Variants in RAD51B observed in about 807,000 individuals in gnomAD.
RAD51B encodes the protein RAD51 paralog B, also known as DNA repair protein RAD51 homolog 2.
Under a neutral mutation model 42.2 loss-of-function variants are expected in RAD51B, and 38 were observed. The ratio of observed to expected loss-of-function variants is 0.90; its 90% CI spans 0.70 to 1.18. The LOEUF is 1.18. Among genes scored for constraint, RAD51B ranks in the 50% most tolerant of loss-of-function variants. RAD51B has a pLI of 0.00. For synonymous variants in RAD51B, 154 were observed against 145.2 expected, an observed-to-expected ratio of 1.06 and a Z score of -0.43; for missense variants, 373 against 400.7, an observed-to-expected ratio of 0.93 and a Z score of 0.59.
chr14:68,555,054 G>A (rs1293170396), intron 10 of RAD51B, among the ~76,000 whole-genome samples: 1 of 152,004 alleles, frequency 6.6e-6, no homozygotes, highest in Non-Finnish European at 1.5e-5. Flanking sequence ...CACTATGTTG[G>A]CCAGGCTAGT....
intron 7 of RAD51B, among the ~76,000 whole-genome samples, chr14:68,005,745 T>G (rs1286371765): frequency 1.3e-5 from 2 of 152,198 alleles, no homozygotes; most frequent in Non-Finnish European, 2.9e-5. Flanking sequence ...AGTGATGTAT[T>G]GCTTCTCGAC....
intron 8 of RAD51B, chr14:68,338,994 C>A (rs2082516150): frequency 6.1e-6 from 4 of 657,580 alleles, no homozygotes; most frequent in Non-Finnish European, 1.1e-5. Context: ...GTAAGGGACC[C>A]CCTTTTTACA....
chr14:68,485,614 C>T (rs1400336902), intron 10 of RAD51B, among the ~76,000 whole-genome samples: 1 of 152,188 alleles, frequency 6.6e-6, no homozygotes, highest in Admixed American at 6.5e-5. Context: ...AAGATATTCT[C>T]TCTTCATTAA....
intron 7 of RAD51B, among the ~76,000 whole-genome samples, chr14:67,893,681 A>C (rs1401958188): frequency 6.6e-6 from 1 of 152,004 alleles, no homozygotes; most frequent in Non-Finnish European, 1.5e-5. Context: ...AAAATAAATA[A>C]ATAAATAGAA....
chr14:67,997,470 G>C (rs764633293), intron 7 of RAD51B, among the ~76,000 whole-genome samples: 1 of 152,250 alleles, frequency 6.6e-6, no homozygotes, highest in East Asian at 1.9e-4. Flanking sequence ...TCACAGTCAC[G>C]TCCTAAATTA....
At chr14:68,202,510 T>G (rs975292160) in intron 7 of RAD51B, among the ~76,000 whole-genome samples, 2 of 151,226 alleles carry the variant, frequency 1.3e-5, no homozygotes, top group African/African-American at 4.8e-5. Flanking sequence ...TCACAGCACC[T>G]TCACCAGGAG....
intron 7 of RAD51B, among the ~76,000 whole-genome samples, chr14:68,195,271 A>G (rs1334378201): frequency 6.6e-6 from 1 of 152,214 alleles, no homozygotes; most frequent in Non-Finnish European, 1.5e-5. Flanking sequence ...AACCTGAGTC[A>G]TCCTTGACAT....
chr14:68,121,877 A>G (rs919765226), intron 7 of RAD51B, among the ~76,000 whole-genome samples: 4 of 151,900 alleles, frequency 2.6e-5, no homozygotes, highest in African/African-American at 9.7e-5. Flanking sequence ...TGGTGCTGGT[A>G]TAGATAGTTA....
intron 7 of RAD51B, among the ~76,000 whole-genome samples, chr14:68,270,384 A>G (rs2081082368): frequency 1.3e-5 from 2 of 152,222 alleles, no homozygotes; most frequent in Admixed American, 1.3e-4. Flanking sequence ...GATCTTTCCT[A>G]ATAGAGGAGT....
chr14:68,300,488 G>A (rs1566793711), intron 8 of RAD51B, among the ~76,000 whole-genome samples: 1 of 152,140 alleles, frequency 6.6e-6, no homozygotes, highest in African/African-American at 2.4e-5. Flanking sequence ...GGGATTACAG[G>A]TGTAAGCCAC....
intron 7 of RAD51B, among the ~76,000 whole-genome samples, chr14:68,056,791 A>G (rs2076483175): frequency 6.6e-6 from 1 of 151,614 alleles, no homozygotes; most frequent in Non-Finnish European, 1.5e-5. Context: ...AATAAGAAAT[A>G]TTTACGGCCA....
At chr14:68,049,654 A>G (rs1230428841) in intron 7 of RAD51B, among the ~76,000 whole-genome samples, 1 of 152,160 alleles carries the variant, frequency 6.6e-6, no homozygotes, top group East Asian at 1.9e-4. Context: ...ATTTTGTTGT[A>G]AGAGTTTCCA....
chr14:67,930,413 C>T (rs894654155), intron 7 of RAD51B, among the ~76,000 whole-genome samples: 3 of 152,020 alleles, frequency 2.0e-5, no homozygotes, highest in Non-Finnish European at 2.9e-5. Context: ...TCTGCTTTTG[C>T]TTGCTTAGAA....
chr14:68,009,707 T>A (rs926493581), intron 7 of RAD51B, among the ~76,000 whole-genome samples: 1 of 151,948 alleles, frequency 6.6e-6, no homozygotes, highest in Non-Finnish European at 1.5e-5. Context: ...AGACGACCTC[T>A]TCTATAAAAT....
intron 7 of RAD51B, among the ~76,000 whole-genome samples, chr14:68,102,898 A>G (rs1049943350): frequency 6.6e-6 from 1 of 152,222 alleles, no homozygotes; most frequent in African/African-American, 2.4e-5. Flanking sequence ...ACAGTTCCAC[A>G]GGGCTGTGGA....
At chr14:68,174,322 G>T (rs552868481) in intron 7 of RAD51B, among the ~76,000 whole-genome samples, 94 of 151,082 alleles carry the variant, frequency 6.2e-4, no homozygotes, top group African/African-American at 2.2e-3. Flanking sequence ...GGGTGTAGTG[G>T]AGCTATGATT....
At chr14:68,428,198 C>T (rs2084900759) in intron 9 of RAD51B, among the ~76,000 whole-genome samples, 1 of 152,122 alleles carries the variant, frequency 6.6e-6, no homozygotes, top group Non-Finnish European at 1.5e-5. Flanking sequence ...TATAGCAGCA[C>T]AAAATGGACT....
chr14:68,600,002 C>T (rs568192584), downstream of RAD51B, among the ~76,000 whole-genome samples: 1 of 152,280 alleles, frequency 6.6e-6, no homozygotes, highest in South Asian at 2.1e-4. Flanking sequence ...TGACTTCTGA[C>T]CAAACCCCCA....
At chr14:68,486,935 A>G (rs1024059592) in intron 10 of RAD51B, among the ~76,000 whole-genome samples, 1 of 152,160 alleles carries the variant, frequency 6.6e-6, no homozygotes, top group Admixed American at 6.5e-5. Context: ...CGGTCACACC[A>G]CTGGAGAAAC....
Sources: gnomAD v4.1 joint callset for allele counts (sites outside exome capture counted in the v4.1 genomes callset) on GRCh38, gnomAD v4.1.1 for gene constraint, MANE v1.5 for transcripts, NCBI Gene and HGNC (gene_info 2026-07-23, HGNC 2026-07-21) for gene names.